Variants in SYN3 observed in about 807,000 individuals in gnomAD.
SYN3 encodes the protein synapsin-3.
SYN3 carries 35 observed loss-of-function variants against 65.8 expected under a neutral mutation model. That is an observed-to-expected ratio of 0.53 (90% CI 0.41 to 0.70). The LOEUF is 0.70. SYN3 is among the 30% of genes least tolerant of loss of function. The pLI, the probability that SYN3 is intolerant of heterozygous loss-of-function variation, is 0.00. For missense variants in SYN3, 680 were observed against 749.0 expected (o/e 0.91, Z 1.08); for synonymous variants, 270 against 292.9 (o/e 0.92, Z 0.80).
At chr22:32,657,910 A>G (rs2060164282) in intron 6 of SYN3, among the ~76,000 whole-genome samples, 1 of 152,152 alleles carries the variant, frequency 6.6e-6, no homozygotes, top group Non-Finnish European at 1.5e-5. Context: ...ACCTTCAACA[A>G]ACACTTCTCT....
At chr22:32,992,628 T>C (rs1311892644) in intron 2 of SYN3, among the ~76,000 whole-genome samples, 1 of 152,066 alleles carries the variant, frequency 6.6e-6, no homozygotes, top group Non-Finnish European at 1.5e-5. Flanking sequence ...GCCTGACCAA[T>C]ATAGTGGAAC....
intron 7 of SYN3, among the ~76,000 whole-genome samples, chr22:32,566,213 T>G (rs1043456167): frequency 1.3e-5 from 2 of 152,214 alleles, no homozygotes; most frequent in Admixed American, 1.3e-4. Context: ...AAATTATGAT[T>G]GAGATATTTT....
At chr22:32,774,838 G>A (rs534039111) in intron 6 of SYN3, among the ~76,000 whole-genome samples, 5 of 152,244 alleles carry the variant, frequency 3.3e-5, no homozygotes, top group East Asian at 3.9e-4. Context: ...TGATCCACCC[G>A]CCTCGGCCTC....
chr22:32,669,312 G>T (rs2060330831), intron 6 of SYN3, among the ~76,000 whole-genome samples: 1 of 152,176 alleles, frequency 6.6e-6, no homozygotes. Context: ...CATTCCTTAT[G>T]GGCCAGCAGG....
chr22:32,771,909 A>G (rs993852193), intron 6 of SYN3, among the ~76,000 whole-genome samples: 1 of 152,136 alleles, frequency 6.6e-6, no homozygotes, highest in African/African-American at 2.4e-5. Flanking sequence ...GGGGAGAGGG[A>G]GTACATTTCT....
intron 6 of SYN3, among the ~76,000 whole-genome samples, chr22:32,697,212 T>A (rs2060748994): frequency 6.6e-6 from 1 of 152,202 alleles, no homozygotes; most frequent in African/African-American, 2.4e-5. Context: ...AGTGGCAAGT[T>A]ACTTTTCTAA....
chr22:32,597,263 T>C (rs951631316), intron 6 of SYN3, among the ~76,000 whole-genome samples: 1 of 134,406 alleles, frequency 7.4e-6, no homozygotes, highest in African/African-American at 2.7e-5. Context: ...TTGCCCAGGC[T>C]GGAGTGCAAT....
intron 3 of SYN3, among the ~76,000 whole-genome samples, chr22:32,964,756 T>C (rs1418648072): frequency 6.6e-6 from 1 of 152,212 alleles, no homozygotes; most frequent in Non-Finnish European, 1.5e-5. Flanking sequence ...TAATAGTTTA[T>C]TTTCCTTCTT....
At chr22:32,652,821 G>C (rs544149493) in intron 6 of SYN3, among the ~76,000 whole-genome samples, 3 of 152,064 alleles carry the variant, frequency 2.0e-5, no homozygotes, top group Admixed American at 6.5e-5. Context: ...AGGTCCTGAC[G>C]CCCTGTCCAG....
intron 6 of SYN3, among the ~76,000 whole-genome samples, chr22:32,758,494 GAA>G (rs200996173): frequency 0.018 from 2,733 of 150,708 alleles, 48 homozygotes; most frequent in Middle Eastern, 0.048. Flanking sequence ...AGAAAAATGT[GAA>G]AAGACAAGAC....
chr22:32,728,807 C>T (rs1043442959), intron 6 of SYN3, among the ~76,000 whole-genome samples: 9 of 152,286 alleles, frequency 5.9e-5, no homozygotes, highest in South Asian at 2.1e-4. Flanking sequence ...AGTATTTATC[C>T]AACAGGCTCT....
At chr22:32,743,224 A>G (rs986225423) in intron 6 of SYN3, among the ~76,000 whole-genome samples, 1 of 152,196 alleles carries the variant, frequency 6.6e-6, no homozygotes, top group Non-Finnish European at 1.5e-5. Context: ...TGGATGCCTA[A>G]GCCCTGGTGG....
At chr22:32,820,312 C>T (rs2047208406) in intron 6 of SYN3, among the ~76,000 whole-genome samples, 1 of 149,402 alleles carries the variant, frequency 6.7e-6, no homozygotes, top group South Asian at 2.1e-4. Flanking sequence ...GTGTTCTACT[C>T]CGTGTGTGTG....
chr22:32,525,212 G>C (rs1388186673), intron 12 of SYN3, among the ~76,000 whole-genome samples: 3 of 152,210 alleles, frequency 2.0e-5, no homozygotes, highest in Non-Finnish European at 4.4e-5. Flanking sequence ...CCTTATGGAT[G>C]ACTGTGAGGG....
At chr22:32,531,464 C>A (rs73172113) in intron 10 of SYN3, among the ~76,000 whole-genome samples, 2 of 152,184 alleles carry the variant, frequency 1.3e-5, no homozygotes, top group Non-Finnish European at 2.9e-5. Flanking sequence ...GGAATCCCCA[C>A]GGTAGAGACA....
chr22:32,923,093 T>G (rs2050377091), intron 4 of SYN3, among the ~76,000 whole-genome samples: 2 of 152,092 alleles, frequency 1.3e-5, no homozygotes, highest in African/African-American at 4.8e-5. Flanking sequence ...ATAGTGTGAT[T>G]TGGTCTGAGT....
intron 6 of SYN3, among the ~76,000 whole-genome samples, chr22:32,638,533 G>A (rs965856900): frequency 3.9e-5 from 6 of 152,128 alleles, no homozygotes; most frequent in South Asian, 2.1e-4. Flanking sequence ...ATCTCATGGC[G>A]GTTTTGATTT....
chr22:33,054,723 C>T (rs1272125676), intron 1 of SYN3, among the ~76,000 whole-genome samples: 1 of 152,184 alleles, frequency 6.6e-6, no homozygotes, highest in African/African-American at 2.4e-5. Flanking sequence ...TAAGGTTCAT[C>T]CACATTGCAG....
chr22:32,923,843 C>T (rs2050398842), intron 4 of SYN3, among the ~76,000 whole-genome samples: 2 of 152,132 alleles, frequency 1.3e-5, no homozygotes, highest in South Asian at 2.1e-4. Context: ...CTCCCTCCTC[C>T]CACCCTTCAC....
Sources: gnomAD v4.1 joint callset for allele counts (sites outside exome capture counted in the v4.1 genomes callset) on GRCh38, gnomAD v4.1.1 for gene constraint, MANE v1.5 for transcripts, NCBI Gene and HGNC (gene_info 2026-07-23, HGNC 2026-07-21) for gene names.